Variants in SNTG1 observed in about 807,000 individuals in gnomAD.
SNTG1 encodes the protein gamma-1-syntrophin.
In SNTG1, 39 loss-of-function variants were observed where a neutral mutation model predicts 74.7. The observed-to-expected ratio is 0.52, with a 90% CI of 0.40 to 0.68. The LOEUF (loss-of-function observed/expected upper bound fraction) is 0.68. SNTG1 is among the 30% of genes least tolerant of loss of function. The pLI is 0.00. For missense variants in SNTG1, 685 were observed against 609.5 expected (o/e 1.12, Z -1.30); for synonymous variants, 254 against 217.1 (o/e 1.17, Z -1.49).
chr8:50,477,135 G>T (rs930854412), intron 8 of SNTG1, among the ~76,000 whole-genome samples: 2 of 151,762 alleles, frequency 1.3e-5, no homozygotes, highest in African/African-American at 4.9e-5. Flanking sequence ...ATGCAGATAA[G>T]CTGTACTCAT....
chr8:49,925,444 A>G (rs1432201752), intron 1 of SNTG1, among the ~76,000 whole-genome samples: 1 of 151,642 alleles, frequency 6.6e-6, no homozygotes, highest in Non-Finnish European at 1.5e-5. Flanking sequence ...GTGTGTGTGT[A>G]TCTGTCTGTC....
chr8:50,526,026 A>G (rs973015137), intron 9 of SNTG1, among the ~76,000 whole-genome samples: 1 of 151,758 alleles, frequency 6.6e-6, no homozygotes, highest in Non-Finnish European at 1.5e-5. Context: ...TCTCCCAAAC[A>G]TTTTCAGGGG....
chr8:50,553,428 A>C (rs1019270962), intron 12 of SNTG1, among the ~76,000 whole-genome samples: 5 of 152,196 alleles, frequency 3.3e-5, no homozygotes, highest in Non-Finnish European at 5.9e-5. Flanking sequence ...GAAAATAACT[A>C]GTTAGCATAT....
chr8:50,039,370 G>A (rs1818430923), intron 1 of SNTG1, among the ~76,000 whole-genome samples: 1 of 147,518 alleles, frequency 6.8e-6, no homozygotes, highest in African/African-American at 2.5e-5. Context: ...CAGGAGAATG[G>A]CATGAACCTG....
At chr8:50,520,056 G>C (rs1182512237) in intron 9 of SNTG1, among the ~76,000 whole-genome samples, 2 of 152,192 alleles carry the variant, frequency 1.3e-5, no homozygotes, top group African/African-American at 4.8e-5. Context: ...CAAGGCTGCA[G>C]TAACCAAAAT....
chr8:50,359,677 A>C (rs1258634615), intron 2 of SNTG1, among the ~76,000 whole-genome samples: 2 of 152,192 alleles, frequency 1.3e-5, no homozygotes, highest in Admixed American at 6.5e-5. Flanking sequence ...GCGTGAAAGA[A>C]ATTCTAGTTG....
chr8:50,335,169 TCTC>T (rs2091099367), intron 2 of SNTG1, among the ~76,000 whole-genome samples: 1 of 152,220 alleles, frequency 6.6e-6, no homozygotes, highest in Non-Finnish European at 1.5e-5. Context: ...TGTTGTTTCT[TCTC>T]CTTGTTCTAT....
intron 15 of SNTG1, among the ~76,000 whole-genome samples, chr8:50,674,775 C>A (rs1455493167): frequency 2.6e-5 from 4 of 151,634 alleles, no homozygotes; most frequent in Non-Finnish European, 5.9e-5. Flanking sequence ...GATTTGAGAT[C>A]TTTCTAGCTT....
intron 2 of SNTG1, among the ~76,000 whole-genome samples, chr8:50,344,973 C>G (rs1036177472): frequency 1.3e-5 from 2 of 152,126 alleles, no homozygotes; most frequent in African/African-American, 4.8e-5. Context: ...CAGGGGTGCA[C>G]AAACCCAGGG....
At chr8:50,776,720 A>G (rs1022148339) in intron 18 of SNTG1, among the ~76,000 whole-genome samples, 8 of 151,688 alleles carry the variant, frequency 5.3e-5, no homozygotes, top group African/African-American at 1.9e-4. Context: ...GATAGCTTCT[A>G]TAATTATTTT....
chr8:49,974,323 T>C (rs149091300), intron 1 of SNTG1, among the ~76,000 whole-genome samples: 246 of 152,352 alleles, frequency 1.6e-3, no homozygotes, highest in African/African-American at 5.6e-3. Context: ...CTCCATGTTG[T>C]AGCGGGTGCC....
chr8:50,136,920 T>A (rs1372951891), intron 1 of SNTG1, among the ~76,000 whole-genome samples: 1 of 151,918 alleles, frequency 6.6e-6, no homozygotes, highest in African/African-American at 2.4e-5. Context: ...AACCAACACA[T>A]TTTAACTCTC....
chr8:50,289,738 C>T (rs562468354), intron 2 of SNTG1, among the ~76,000 whole-genome samples: 70 of 152,154 alleles, frequency 4.6e-4, no homozygotes, highest in Non-Finnish European at 7.9e-4. Flanking sequence ...TATTTATGCT[C>T]AGCAAACAGT....
chr8:50,496,444 A>G (rs1406484849), intron 8 of SNTG1, among the ~76,000 whole-genome samples: 1 of 152,178 alleles, frequency 6.6e-6, no homozygotes, highest in Non-Finnish European at 1.5e-5. Flanking sequence ...AAGCAAGCTC[A>G]GCTATGGGTA....
chr8:50,225,504 A>G (rs922190128), intron 2 of SNTG1, among the ~76,000 whole-genome samples: 8 of 152,266 alleles, frequency 5.3e-5, no homozygotes, highest in Non-Finnish European at 8.8e-5. Flanking sequence ...GACAGAACCA[A>G]TGCTCATCTT....
intron 4 of SNTG1, among the ~76,000 whole-genome samples, chr8:50,428,270 A>G (rs766269201): frequency 8.5e-5 from 13 of 152,208 alleles, no homozygotes; most frequent in Non-Finnish European, 1.3e-4. Flanking sequence ...TAATGAAGCC[A>G]CTGCATTCCA....
chr8:50,103,403 T>C lies in SNTG1; in HGVS notation c.-102-69158T>C, dbSNP rs999138015. On this transcript the variant is annotated intron_variant, in intron 1 of 18. Transcript: ENST00000642720. ...TAAGAATGCTTGTGATTTTTGTACA[T>C]TGATTTTGTATCCTGAGATTTTGCT... Among the ~76,000 whole-genome samples, 21 of 152,212 alleles carry C rather than the reference T, an allele frequency of 1.4e-4. 1 individual carries two copies. Among genetic ancestry groups the C allele is most frequent in the Non-Finnish European group, 2.4e-4 (16 of 68,036 alleles).
chr8:50,766,672 G>T (rs948430469), intron 18 of SNTG1, among the ~76,000 whole-genome samples: 8 of 151,812 alleles, frequency 5.3e-5, no homozygotes, highest in Admixed American at 3.3e-4. Flanking sequence ...GAAGGCAAGA[G>T]AATATACCTA....
At chr8:50,493,547 A>G (rs986824644) in intron 8 of SNTG1, among the ~76,000 whole-genome samples, 1 of 152,130 alleles carries the variant, frequency 6.6e-6, no homozygotes, top group African/African-American at 2.4e-5. Flanking sequence ...CACCTTCCTA[A>G]TACGCTTTAT....
Sources: allele counts gnomAD v4.1 joint callset (sites outside exome capture counted in the v4.1 genomes callset), GRCh38; gene constraint gnomAD v4.1.1; transcripts MANE v1.5; gene names NCBI Gene and HGNC (gene_info 2026-07-23, HGNC 2026-07-21).